Variants in ASAP2 observed in about 807,000 individuals in gnomAD.
ASAP2 encodes arf-GAP with SH3 domain, ANK repeat and PH domain-containing protein 2.
A neutral mutation model predicts 131.4 loss-of-function variants in ASAP2; 45 were observed. That is an observed-to-expected ratio of 0.34 (90% CI 0.27 to 0.44). ASAP2 has a LOEUF of 0.44. ASAP2 is among the 20% of genes least tolerant of loss of function. The pLI is 1.00. For synonymous variants in ASAP2, 510 were observed against 503.0 expected (o/e 1.01, Z -0.19); for missense variants, 1,011 against 1,297.0 (o/e 0.78, Z 3.39).
At chr2:9,293,564 T>C (rs1340825415) in intron 2 of ASAP2, among the ~76,000 whole-genome samples, 1 of 152,242 alleles carries the variant, frequency 6.6e-6, no homozygotes, top group East Asian at 1.9e-4. Context: ...AGGTTGTTTT[T>C]GGCAAAAGAA....
At chr2:9,298,460 TA>T (rs1668284167) in intron 3 of ASAP2, among the ~76,000 whole-genome samples, 1 of 152,132 alleles carries the variant, frequency 6.6e-6, no homozygotes, top group African/African-American at 2.4e-5. Flanking sequence ...ATGGTAAAAG[TA>T]AAAAACTGTT....
In ASAP2 at chr2:9,350,833, A is replaced by G; in HGVS notation, c.1049A>G (p.Asn350Ser). ...GCTAACCGGCCTCCTGCAAAGCTCAACCTGCTAACCTGCCAGGTGAAGACC... is the reference window on the plus strand; with the variant it reads ...GCTAACCGGCCTCCTGCAAAGCTCAGCCTGCTAACCTGCCAGGTGAAGACC... ...GTANRPPAKL[N>S]LLTCQVKTNP... Residue 350 changes from asparagine to serine, a missense_variant, in exon 12 of 28, where the codon AAC (asparagine) becomes AGC (serine). Coordinates refer to ENST00000281419, the MANE Select transcript of ASAP2 (RefSeq NM_003887.3). The G allele has an allele frequency of 1.2e-6, 2 of 1,613,674 alleles. No individual in the cohort carries two copies. The highest frequency in any genetic ancestry group is 1.7e-6 in the Non-Finnish European group (2 of 1,179,738).
At chr2:9,378,030 T>G (rs536551806) in intron 18 of ASAP2, among the ~76,000 whole-genome samples, 1 of 152,262 alleles carries the variant, frequency 6.6e-6, no homozygotes, top group African/African-American at 2.4e-5. Context: ...CCAGTTTCTT[T>G]TTTTCCAGAG....
chr2:9,308,951 G>A (rs1416091688), intron 3 of ASAP2, among the ~76,000 whole-genome samples: 1 of 152,184 alleles, frequency 6.6e-6, no homozygotes, highest in Non-Finnish European at 1.5e-5. Context: ...CGTTCTTTCA[G>A]ATAAGCGGCC....
chr2:9,361,765 G>A (rs755669856), intron 15 of ASAP2, among the ~76,000 whole-genome samples: 7 of 151,900 alleles, frequency 4.6e-5, no homozygotes, highest in African/African-American at 1.2e-4. Flanking sequence ...ATGGTCTTTC[G>A]CCATGTCCAG....
chr2:9,379,359 G>A (rs1674653919), intron 19 of ASAP2, among the ~76,000 whole-genome samples: 1 of 152,186 alleles, frequency 6.6e-6, no homozygotes. Flanking sequence ...CAAGGTTGGG[G>A]AATTTTGACC....
intron 1 of ASAP2, among the ~76,000 whole-genome samples, chr2:9,254,009 C>T (rs956194053): frequency 1.7e-4 from 25 of 151,072 alleles, no homozygotes; most frequent in African/African-American, 6.1e-4. Context: ...AGTTCGAGAC[C>T]AGCCTGGCCA....
intron 15 of ASAP2, among the ~76,000 whole-genome samples, chr2:9,360,178 A>G (rs1281926222): frequency 6.6e-6 from 1 of 152,208 alleles, no homozygotes; most frequent in Admixed American, 6.5e-5. Context: ...TCTTAAAACA[A>G]TGGAAAGTGT....
At chr2:9,378,327 C>T (rs1209347339) in intron 18 of ASAP2, among the ~76,000 whole-genome samples, 2 of 152,156 alleles carry the variant, frequency 1.3e-5, no homozygotes, top group African/African-American at 4.8e-5. Flanking sequence ...TGTGGGTGAC[C>T]TGGTCTTGTG....
chr2:9,329,823 TCTTTC>T (rs1670714133), intron 7 of ASAP2, among the ~76,000 whole-genome samples: 1 of 152,232 alleles, frequency 6.6e-6, no homozygotes, highest in African/African-American at 2.4e-5. Flanking sequence ...CTAGAAGGCC[TCTTTC>T]CTTTGTGCCC....
At chr2:9,269,354 A>G (rs144801520) in intron 1 of ASAP2, among the ~76,000 whole-genome samples, 1 of 152,132 alleles carries the variant, frequency 6.6e-6, no homozygotes, top group African/African-American at 2.4e-5. Flanking sequence ...TTCGTCTGGA[A>G]ACACCCTTAG....
At chr2:9,312,103 G>A (rs1206762573) in intron 3 of ASAP2, among the ~76,000 whole-genome samples, 1 of 152,102 alleles carries the variant, frequency 6.6e-6, no homozygotes, top group Non-Finnish European at 1.5e-5. Flanking sequence ...TTTACCAAGT[G>A]GTGCAACCAT....
intron 15 of ASAP2, among the ~76,000 whole-genome samples, chr2:9,364,678 A>G (rs903955220): frequency 1.3e-5 from 2 of 152,248 alleles, no homozygotes; most frequent in Non-Finnish European, 2.9e-5. Flanking sequence ...GAGCATGTGG[A>G]GAGGAAAGCT....
intron 17 of ASAP2, 56 bp downstream of exon 17, chr2:9,375,000 C>T (rs557318242): frequency 7.6e-5 from 113 of 1,484,294 alleles, no homozygotes; most frequent in Non-Finnish European, 9.6e-5. Flanking sequence ...GCCACGGTGG[C>T]TCATGCCTGG....
chr2:9,366,662 T>A (rs1191699742), intron 15 of ASAP2, among the ~76,000 whole-genome samples: 2 of 152,180 alleles, frequency 1.3e-5, no homozygotes, highest in African/African-American at 4.8e-5. Flanking sequence ...GCCTCCTGAC[T>A]GATGGCTTGA....
chr2:9,386,517 G>A (rs896219052), intron 21 of ASAP2, among the ~76,000 whole-genome samples: 5 of 152,224 alleles, frequency 3.3e-5, no homozygotes, highest in African/African-American at 1.2e-4. Context: ...AGCAGGGGCT[G>A]GTGTGGAGTC....
chr2:9,221,104 G>T (rs779292096), intron 1 of ASAP2, among the ~76,000 whole-genome samples: 11 of 149,698 alleles, frequency 7.3e-5, no homozygotes, highest in Non-Finnish European at 5.9e-5. Flanking sequence ...TTTCAACTTT[G>T]TTTTTTTTTC....
chr2:9,390,999 T>A, intron 22 of ASAP2, 63 bp from the exon 23 acceptor site: 1 of 1,612,654 alleles, frequency 6.2e-7, no homozygotes, highest in Non-Finnish European at 8.5e-7. Context: ...TGTTTCTGTT[T>A]TTGTTCGTGT....
At position 9,309,871 on chromosome 2, in the gene ASAP2, A is replaced by G. The variant is rs559827440; in HGVS notation, c.346-8653A>G. Among the ~76,000 whole-genome samples the G allele has an allele frequency of 5.2e-4, 79 of 152,322 alleles. No individual in the cohort carries two copies. The Middle Eastern group carries it at 0.01, about 20-fold the overall frequency. On this transcript the variant is annotated intron_variant, in intron 3 of 27. Coordinates refer to ENST00000281419, the MANE Select transcript of ASAP2 (RefSeq NM_003887.3). Reference sequence around the variant, plus strand: ...AATTTAAATGTGAAGAGGGGCATGTAGCTATTATCTGTCCTGTGGGACATC... The same window carrying G: ...AATTTAAATGTGAAGAGGGGCATGTGGCTATTATCTGTCCTGTGGGACATC...
Sources: allele counts gnomAD v4.1 joint callset (sites outside exome capture counted in the v4.1 genomes callset), GRCh38; gene constraint gnomAD v4.1.1; transcripts MANE v1.5; gene names NCBI Gene and HGNC (gene_info 2026-07-23, HGNC 2026-07-21).